Variants in SLC4A7 observed in about 807,000 individuals in gnomAD.
SLC4A7 encodes the protein sodium bicarbonate cotransporter 3.
SLC4A7 carries 51 observed loss-of-function variants against 137.6 expected under a neutral mutation model. That is an observed-to-expected ratio of 0.37 (90% CI 0.30 to 0.47). SLC4A7 has a LOEUF of 0.47. SLC4A7 is among the 20% of genes least tolerant of loss of function. The pLI, the probability that SLC4A7 is intolerant of heterozygous loss-of-function variation, is 1.00. For missense variants in SLC4A7, 1,247 were observed against 1,525.4 expected (o/e 0.82, Z 3.04); for synonymous variants, 542 against 518.6 (o/e 1.05, Z -0.61).
intron 8 of SLC4A7, among the ~76,000 whole-genome samples, chr3:27,423,400 G>C (rs1330109627): frequency 6.6e-6 from 1 of 152,068 alleles, no homozygotes; most frequent in Non-Finnish European, 1.5e-5. Flanking sequence ...TACTCATAAA[G>C]TACATTTTAC....
intron 11 of SLC4A7, among the ~76,000 whole-genome samples, chr3:27,416,995 C>T (rs538317734): frequency 1.3e-5 from 2 of 152,200 alleles, no homozygotes; most frequent in Admixed American, 6.5e-5. Context: ...AAAGCCTACA[C>T]AGAAAGATAA....
At chr3:27,447,707 A>G (rs1415864074) in intron 3 of SLC4A7, among the ~76,000 whole-genome samples, 1 of 133,278 alleles carries the variant, frequency 7.5e-6, no homozygotes, top group Non-Finnish European at 1.5e-5. Context: ...AAACATGGCT[A>G]TCTATGCTCG....
chr3:27,433,967 A>G lies in SLC4A7; in HGVS notation c.727T>C (p.Phe243Leu). 1.2e-6 allele frequency: 2 copies of G among 1,613,940 alleles called. No homozygotes were observed. Among genetic ancestry groups the G allele is most frequent in the Non-Finnish European group, 1.7e-6 (2 of 1,179,912 alleles). Residue 243 changes from phenylalanine to leucine, a missense_variant, in exon 6 of 26, where the codon TTT becomes CTT. Phe to Leu is a conservative substitution (Grantham distance 22). Transcript: ENST00000454389. ...FTSRIPLVRS[F>L]ADIGKKHSDP... ...GAATGTTTCTTGCCTATATCTGCAAAAGATCGAACAAGAGGAATCCGACTG... is the reference window on the plus strand; with the variant it reads ...GAATGTTTCTTGCCTATATCTGCAAGAGATCGAACAAGAGGAATCCGACTG...
intron 20 of SLC4A7, among the ~76,000 whole-genome samples, chr3:27,392,168 A>T (rs977916575): frequency 2.0e-5 from 3 of 152,222 alleles, no homozygotes; most frequent in Non-Finnish European, 4.4e-5. Context: ...CATATTAAGC[A>T]CACAAAAAGT....
chr3:27,459,990 TACAC>T lies in SLC4A7; in HGVS notation c.61-7496_61-7493del, dbSNP rs1160172651. 5.7e-3 allele frequency among the ~76,000 whole-genome samples: 515 copies of T among 90,034 alleles called. 2 individuals are homozygous for T. The highest frequency in any genetic ancestry group is 0.018 in the African/African-American group (423 of 24,084). 59.1% of individuals were successfully genotyped at this position (90,034 alleles called of 152,430 possible). A position where few individuals can be genotyped will look rare whatever the true frequency, so the allele number is the denominator to read the frequency against. ...TGTTATTTATATATATATATATATA[TACAC>T]ACACACACACACACACGTGTATATA... is the stretch of plus-strand genomic sequence containing the variant. On this transcript the variant is annotated intron_variant, in intron 1 of 25. Transcript: ENST00000454389.
intron 1 of SLC4A7, among the ~76,000 whole-genome samples, chr3:27,476,517 T>C (rs2059464374): frequency 6.6e-6 from 1 of 152,206 alleles, no homozygotes; most frequent in South Asian, 2.1e-4. Flanking sequence ...TATCATCTGC[T>C]ATCGTTTGGC....
chr3:27,470,054 T>C (rs57322849), intron 1 of SLC4A7, among the ~76,000 whole-genome samples: 4,665 of 152,310 alleles, frequency 0.031, 247 homozygotes, highest in African/African-American at 0.11. Context: ...AAACATTCCA[T>C]GTATCTTATC....
intron 3 of SLC4A7, among the ~76,000 whole-genome samples, chr3:27,443,871 T>G (rs370588993): frequency 1.1e-4 from 17 of 152,342 alleles, no homozygotes; most frequent in East Asian, 5.8e-4. Flanking sequence ...TATTGAGAAG[T>G]ATTTTCTTCA....
intron 10 of SLC4A7, among the ~76,000 whole-genome samples, chr3:27,418,900 A>G (rs2054655270): frequency 1.3e-5 from 2 of 152,212 alleles, no homozygotes; most frequent in Admixed American, 6.5e-5. Flanking sequence ...TTGCCTGGGA[A>G]ATAGTAATTG....
chr3:27,409,104 A>G (rs900021998), intron 13 of SLC4A7, among the ~76,000 whole-genome samples: 1 of 152,164 alleles, frequency 6.6e-6, no homozygotes, highest in Admixed American at 6.5e-5. Flanking sequence ...TACTCAATTT[A>G]TAAAACCATT....
intron 3 of SLC4A7, among the ~76,000 whole-genome samples, chr3:27,440,779 C>T (rs907931023): frequency 6.6e-6 from 1 of 151,318 alleles, no homozygotes; most frequent in East Asian, 2.0e-4. Flanking sequence ...TGTGGTGGCT[C>T]ACACCTGTAA....
At chr3:27,478,211 AAAG>A (rs1474083458) in intron 1 of SLC4A7, among the ~76,000 whole-genome samples, 1 of 152,068 alleles carries the variant, frequency 6.6e-6, no homozygotes, top group African/African-American at 2.4e-5. Context: ...GGAAAAAAAA[AAAG>A]GTCATTTAAA....
chr3:27,388,309 C>G (rs1405187331), intron 22 of SLC4A7, among the ~76,000 whole-genome samples: 1 of 152,154 alleles, frequency 6.6e-6, no homozygotes, highest in African/African-American at 2.4e-5. Flanking sequence ...AAGAAGGCAG[C>G]ATAAATCTTT....
chr3:27,383,030 C>G, intron 24 of SLC4A7, 123 bp downstream of exon 24: 1 of 642,772 alleles, frequency 1.6e-6, no homozygotes. Context: ...TTAGTTGATA[C>G]ACCATATGCA....
At chr3:27,475,092 G>A (rs916109632) in intron 1 of SLC4A7, among the ~76,000 whole-genome samples, 5 of 151,934 alleles carry the variant, frequency 3.3e-5, no homozygotes, top group Admixed American at 6.6e-5. Flanking sequence ...GTGACAGAGC[G>A]AGATTGCGTC....
intron 1 of SLC4A7, among the ~76,000 whole-genome samples, chr3:27,475,843 C>T (rs1196834995): frequency 6.6e-6 from 1 of 152,138 alleles, no homozygotes; most frequent in Non-Finnish European, 1.5e-5. Context: ...TGAGTTGGTG[C>T]ATTGGCTAAT....
intron 7 of SLC4A7, among the ~76,000 whole-genome samples, chr3:27,428,605 T>C (rs537366626): frequency 6.6e-6 from 1 of 152,308 alleles, no homozygotes; most frequent in East Asian, 1.9e-4. Flanking sequence ...AACACAAGGA[T>C]TTCCAGTCAG....
intron 24 of SLC4A7, among the ~76,000 whole-genome samples, 170 bp downstream of exon 24, chr3:27,382,983 C>A (rs1248796639): frequency 6.6e-6 from 1 of 152,202 alleles, no homozygotes; most frequent in East Asian, 1.9e-4. Context: ...GGGAAAGGAG[C>A]AAGGGACTTC....
At chr3:27,454,519 G>C (rs778789022) in intron 1 of SLC4A7, among the ~76,000 whole-genome samples, 3 of 152,054 alleles carry the variant, frequency 2.0e-5, no homozygotes, top group Admixed American at 6.6e-5. Context: ...TAATCAAGCC[G>C]CCTTACAGCA....
Sources: gnomAD v4.1 joint callset for allele counts (sites outside exome capture counted in the v4.1 genomes callset) on GRCh38, gnomAD v4.1.1 for gene constraint, MANE v1.5 for transcripts, NCBI Gene and HGNC (gene_info 2026-07-23, HGNC 2026-07-21) for gene names.